ABLIM1: variants seen among roughly 807,000 people sequenced by gnomAD.
The protein encoded by ABLIM1 is actin binding LIM protein 1, also known as actin-binding LIM protein 1.
Under a neutral mutation model 107.0 loss-of-function variants are expected in ABLIM1, and 40 were observed. The ratio of observed to expected loss-of-function variants is 0.37; its 90% CI spans 0.29 to 0.49. The LOEUF is 0.49. ABLIM1 is among the 20% of genes least tolerant of loss of function. The pLI is 0.97. For synonymous variants in ABLIM1, 357 were observed against 357.3 expected (o/e 1.00, Z 0.01); for missense variants, 857 against 1,008.5 (o/e 0.85, Z 2.04).
intron 1 of ABLIM1, among the ~76,000 whole-genome samples, chr10:114,749,088 A>G (rs536218717): frequency 1.3e-5 from 2 of 152,294 alleles, no homozygotes; most frequent in Admixed American, 1.3e-4. Context: ...TAATCTATAT[A>G]CCATTCCAAA....
At chr10:114,442,276 C>T (rs1287205312) in intron 17 of ABLIM1, among the ~76,000 whole-genome samples, 1 of 152,186 alleles carries the variant, frequency 6.6e-6, no homozygotes, top group Non-Finnish European at 1.5e-5. Context: ...GAAGCCAACC[C>T]TGTATGTTAT....
At chr10:114,760,116 T>C (rs1171353246) in intron 1 of ABLIM1, among the ~76,000 whole-genome samples, 1 of 151,978 alleles carries the variant, frequency 6.6e-6, no homozygotes, top group Non-Finnish European at 1.5e-5. Context: ...AGCCCAGGAA[T>C]AGACAGGATT....
chr10:114,484,870 A>G (rs11196762), intron 8 of ABLIM1, among the ~76,000 whole-genome samples: 2,702 of 152,312 alleles, frequency 0.018, 42 homozygotes, highest in East Asian at 0.058. Flanking sequence ...CCTTTTCCTC[A>G]TCTGACATTC....
chr10:114,649,050 A>C (rs776238719), intron 1 of ABLIM1, among the ~76,000 whole-genome samples: 1 of 152,198 alleles, frequency 6.6e-6, no homozygotes. Flanking sequence ...ATTATACCAT[A>C]GACCTTAGGA....
intron 1 of ABLIM1, among the ~76,000 whole-genome samples, chr10:114,716,030 C>T (rs993159030): frequency 3.3e-5 from 5 of 152,166 alleles, no homozygotes; most frequent in African/African-American, 1.2e-4. Context: ...CTGTCTGTCT[C>T]TACCTTCTCC....
intron 1 of ABLIM1, among the ~76,000 whole-genome samples, chr10:114,602,885 C>T (rs1243402374): frequency 6.6e-6 from 1 of 152,176 alleles, no homozygotes; most frequent in Non-Finnish European, 1.5e-5. Flanking sequence ...TTTACAAAGG[C>T]CCAGAGAGAA....
At chr10:114,456,021 A>G (rs541600783) in intron 12 of ABLIM1, among the ~76,000 whole-genome samples, 1 of 152,024 alleles carries the variant, frequency 6.6e-6, no homozygotes, top group East Asian at 1.9e-4. Flanking sequence ...TCACCATGTT[A>G]GCCAGGATGG....
chr10:114,731,253 G>A (rs2082067128), intron 1 of ABLIM1, among the ~76,000 whole-genome samples: 1 of 147,916 alleles, frequency 6.8e-6, no homozygotes, highest in Non-Finnish European at 1.5e-5. Context: ...CAATTCTCCT[G>A]GCTCAGCCTT....
At chr10:114,797,286 T>C in the ABLIM1 span, among the ~76,000 whole-genome samples, 531 of 152,370 alleles carry the variant, frequency 3.5e-3, 3 homozygotes, top group African/African-American at 0.012. Flanking sequence ...CTTTAACTCA[T>C]AGTCCCTTCT....
intron 10 of ABLIM1, 70 bp downstream of exon 10, chr10:114,472,907 T>C: frequency 1.4e-6 from 2 of 1,404,326 alleles, no homozygotes; most frequent in East Asian, 2.5e-5. Flanking sequence ...CTCCAAATGG[T>C]AGTTATTACA....
At chr10:114,685,244 G>A (rs2141634193), upstream of ABLIM1, among the ~76,000 whole-genome samples, 1 of 152,190 alleles carries the variant, frequency 6.6e-6, no homozygotes, top group African/African-American at 2.4e-5. Context: ...AGACCCTTAG[G>A]ACAAATATCC....
chr10:114,618,650 C>T (rs1385452219), intron 1 of ABLIM1, among the ~76,000 whole-genome samples: 1 of 152,322 alleles, frequency 6.6e-6, no homozygotes, highest in East Asian at 1.9e-4. Flanking sequence ...CAGATGAGAA[C>T]AGTGCCCTGG....
chr10:114,796,909 T>A, the ABLIM1 span, among the ~76,000 whole-genome samples: 1 of 152,178 alleles, frequency 6.6e-6, no homozygotes, highest in Admixed American at 6.6e-5. Flanking sequence ...GACCTGCATA[T>A]CCTCATGGGT....
chr10:114,598,196 C>G (rs2075625499), intron 2 of ABLIM1, among the ~76,000 whole-genome samples: 1 of 150,558 alleles, frequency 6.6e-6, no homozygotes, highest in Non-Finnish European at 1.5e-5. Flanking sequence ...ATCGCTTGAA[C>G]CCGGAAGGCG....
rs1288550939 is a variant in ABLIM1, at chr10:114,682,535, T to C, written c.64+1755A>G. Among the ~76,000 whole-genome samples, 3 of 152,214 alleles carry C rather than the reference T, an allele frequency of 2.0e-5. No homozygotes were observed. In the East Asian group the frequency reaches 5.8e-4, roughly 29 times the overall value. On this transcript the variant is annotated intron_variant, in intron 1 of 23. Coordinates refer to the ABLIM1 transcript ENST00000369256. Reference sequence around the variant, plus strand: ...GCCCATATTCCCTATAGAGAGTACATTTAAAACAATGCAGAGTAGCAAAAC... The same window carrying C: ...GCCCATATTCCCTATAGAGAGTACACTTAAAACAATGCAGAGTAGCAAAAC...
rs972939128 is a variant in ABLIM1, at chr10:114,547,884, T to C, written c.674-108A>G. 12 of 1,408,514 alleles carry C rather than the reference T, an allele frequency of 8.5e-6. No homozygotes were observed. The Admixed American group carries it at 2.7e-4, about 32-fold the overall frequency. 87.3% of individuals were successfully genotyped at this position (1,408,514 alleles called of 1,614,324 possible). ...TGCCCATCACACACTCAATCAATAT[T>C]TACTCAAGCACCATCTCGGGTCAGT... is the stretch of plus-strand genomic sequence containing the variant. On this transcript the variant is annotated intron_variant, in intron 4 of 22. Coordinates refer to ENST00000533213, the MANE Select transcript of ABLIM1 (RefSeq NM_002313.7).
intron 4 of ABLIM1, among the ~76,000 whole-genome samples, chr10:114,559,884 A>C (rs1395018578): frequency 6.6e-6 from 1 of 152,224 alleles, no homozygotes; most frequent in Non-Finnish European, 1.5e-5. Context: ...TATGGCCAGC[A>C]ATAGAGCAGA....
chr10:114,603,622 C>T (rs1156533369), intron 1 of ABLIM1, among the ~76,000 whole-genome samples: 2 of 151,070 alleles, frequency 1.3e-5, no homozygotes, highest in African/African-American at 2.4e-5. Flanking sequence ...GCCAAAAAAC[C>T]TATCCCTTGC....
chr10:114,580,197 A>T, intron 2 of ABLIM1, among the ~76,000 whole-genome samples: 1 of 146,128 alleles, frequency 6.8e-6, no homozygotes, highest in South Asian at 2.1e-4. Context: ...AATATTATAT[A>T]TTATATATTA....
Sources: gnomAD v4.1 joint callset for allele counts (sites outside exome capture counted in the v4.1 genomes callset) on GRCh38, gnomAD v4.1.1 for gene constraint, MANE v1.5 for transcripts, NCBI Gene and HGNC (gene_info 2026-07-23, HGNC 2026-07-21) for gene names.